IFT122: variants seen among roughly 807,000 people sequenced by gnomAD.
IFT122 encodes intraflagellar transport protein 122 homolog.
IFT122 carries 118 observed loss-of-function variants against 161.6 expected under a neutral mutation model. The observed-to-expected ratio is 0.73, with a 90% CI of 0.63 to 0.85. The LOEUF is 0.85. IFT122 is among the 40% of genes least tolerant of loss of function. The pLI, the probability that IFT122 is intolerant of heterozygous loss-of-function variation, is 0.00. For synonymous variants in IFT122, 550 were observed against 602.4 expected (o/e 0.91, Z 1.27); for missense variants, 1,381 against 1,579.6 (o/e 0.87, Z 2.13).
intron 20 of IFT122, 191 bp from the exon 21 acceptor site, chr3:129,504,128 A>C (rs2081938727): frequency 3.4e-6 from 2 of 593,256 alleles, no homozygotes; most frequent in Non-Finnish European, 6.1e-6. Context: ...ATTGCTGTTA[A>C]TTGCCTTTTG....
chr3:129,514,316 C>T, intron 24 of IFT122, 73 bp from the exon 25 acceptor site: 1 of 1,531,614 alleles, frequency 6.5e-7, no homozygotes, highest in Non-Finnish European at 9.0e-7. Context: ...GCCTGGGGCT[C>T]ACTCCAAGGA....
chr3:129,453,301 G>A (rs1178247225), intron 3 of IFT122, among the ~76,000 whole-genome samples: 1 of 151,808 alleles, frequency 6.6e-6, no homozygotes, highest in East Asian at 1.9e-4. Context: ...TTTTTCTTCA[G>A]TGAAATAGGA....
At position 129,520,263 on chromosome 3, in the gene IFT122, T is replaced by C. The variant is rs1415867200; in HGVS notation, c.3724T>C (p.Ter1242ArgextTer46). 1 of 1,607,806 alleles carries C rather than the reference T, an allele frequency of 6.2e-7. No homozygotes were observed. Among genetic ancestry groups the C allele is most frequent in the African/African-American group, 1.3e-5 (1 of 74,916 alleles). Reference protein sequence around the residue: ...CRRCKDDPGP* With the variant: ...CRRCKDDPGPR ...CAGGTGCAAGGATGACCCTGGCCCA[T>C]GACCAGCATCCTGGGGACGGCCTGC... The change falls in exon 30 of 30, where the codon TGA (stop) becomes CGA (arginine). Residue 1242 changes from the stop codon to arginine (R), a stop_lost. Transcript: ENST00000348417.
intron 9 of IFT122, among the ~76,000 whole-genome samples, chr3:129,475,414 G>A (rs1403792148): frequency 6.6e-6 from 1 of 152,232 alleles, no homozygotes; most frequent in Non-Finnish European, 1.5e-5. Context: ...CACTTTGGGA[G>A]GCCAAGGTGG....
chr3:129,440,503 G>C (rs2072848087), intron 1 of IFT122, 132 bp downstream of exon 1: 1 of 1,115,546 alleles, frequency 9.0e-7, no homozygotes, highest in Admixed American at 2.0e-5. Context: ...CGGCCTGGGA[G>C]ACTGCAGGGT....
At chr3:129,502,573 A>C (rs920976232) in intron 19 of IFT122, 138 bp from the exon 20 acceptor site, 7 of 974,462 alleles carry the variant, frequency 7.2e-6, no homozygotes, top group Non-Finnish European at 1.1e-5. Flanking sequence ...GTATTCATGC[A>C]TTTAATAACT....
In IFT122 at chr3:129,506,467, CA is replaced by C; in HGVS notation, c.2711del (p.Asn904MetfsTer25). 6.2e-7 allele frequency: 1 copy of C among 1,614,238 alleles called. No individual in the cohort carries two copies. The highest frequency in any genetic ancestry group is 8.5e-7 in the Non-Finnish European group (1 of 1,180,038). Reference protein sequence around the residue: ...AVQVLEQLTNNAVAESRFNDA... With the variant: ...AVQVLEQLTNXAVAESRFNDA... ...TCCAGGTGCTGGAGCAGCTCACAAA[CA>C]ATGCCGTGGCGGAGAGCAGGTTTAA... is the stretch of plus-strand genomic sequence containing the variant. On this transcript the variant is annotated frameshift_variant, in exon 22 of 30. Transcript: ENST00000348417. LOFTEE classifies it high-confidence loss of function.
intron 15 of IFT122, 29 bp from the exon 16 acceptor site, chr3:129,488,228 T>C (rs765355315): frequency 5.0e-6 from 8 of 1,613,038 alleles, no homozygotes; most frequent in Non-Finnish European, 6.8e-6. Flanking sequence ...AAAACAGTCT[T>C]CTTTTTTTCC....
At chr3:129,452,158 C>T (rs760917623) in intron 3 of IFT122, 160 bp downstream of exon 3, 96 of 645,586 alleles carry the variant, frequency 1.5e-4, no homozygotes, top group Non-Finnish European at 2.0e-4. Context: ...TTCAATCTAG[C>T]AAGTATTTAT....
intron 15 of IFT122, 23 bp from the exon 16 acceptor site, chr3:129,488,234 T>C: frequency 6.2e-7 from 1 of 1,614,076 alleles, no homozygotes; most frequent in Admixed American, 1.7e-5. Flanking sequence ...GTCTTCTTTT[T>C]TTCCCTTGAT....
At chr3:129,455,093 T>G (rs528277385) in intron 3 of IFT122, among the ~76,000 whole-genome samples, 1 of 152,280 alleles carries the variant, frequency 6.6e-6, no homozygotes, top group South Asian at 2.1e-4. Flanking sequence ...CTCTTAGACC[T>G]GAAGATTGAG....
At position 129,486,984 on chromosome 3, in the gene IFT122, A is replaced by G. The variant is rs192453575; in HGVS notation, c.1852-1273A>G. Among the ~76,000 whole-genome samples, 7 of 152,356 alleles carry G rather than the reference A, an allele frequency of 4.6e-5. No homozygotes were observed. The East Asian group carries it at 1.3e-3, about 29-fold the overall frequency. On this transcript the variant is annotated intron_variant, in intron 15 of 29. Transcript: ENST00000348417. ...AAAAGATAAGCACTTGGAAGCAGCC[A>G]TGTTTTGCTCTGAGAGTAGACAGAC... is the stretch of plus-strand genomic sequence containing the variant.
At chr3:129,506,377 G>T (rs762472886) in intron 21 of IFT122, 32 bp from the exon 22 acceptor site, 2 of 1,610,808 alleles carry the variant, frequency 1.2e-6, no homozygotes, top group South Asian at 2.2e-5. Flanking sequence ...TAAATAGCAT[G>T]TGCTTTTTTC....
intron 8 of IFT122, 72 bp downstream of exon 8, chr3:129,467,138 TG>T: frequency 6.8e-7 from 1 of 1,465,306 alleles, no homozygotes; most frequent in Non-Finnish European, 9.4e-7. Context: ...CCAGGACAGA[TG>T]TTAAACTCTT....
intron 18 of IFT122, among the ~76,000 whole-genome samples, chr3:129,497,389 G>A (rs1195402756): frequency 6.6e-6 from 1 of 152,176 alleles, no homozygotes; most frequent in East Asian, 1.9e-4. Context: ...CTTCTCAGAT[G>A]GTAATAGCGA....
chr3:129,456,865 G>A (rs946758158), intron 3 of IFT122, among the ~76,000 whole-genome samples: 6 of 152,198 alleles, frequency 3.9e-5, no homozygotes, highest in South Asian at 4.1e-4. Flanking sequence ...GCGGTGAGCC[G>A]AGATCGTGCC....
At position 129,500,085 on chromosome 3, in the gene IFT122, G is replaced by T. The variant is rs865791910; in HGVS notation, c.2375+17G>T. Reference sequence around the variant, plus strand: ...GGTTGACATGTAGGTTTTGGTCCCTGCCCCGAGAAGCATTTGGCAGCATGT... The same window carrying T: ...GGTTGACATGTAGGTTTTGGTCCCTTCCCCGAGAAGCATTTGGCAGCATGT... On this transcript the variant is annotated intron_variant, in intron 19 of 29. Transcript: ENST00000348417. 1 of 1,614,050 alleles carries T rather than the reference G, an allele frequency of 6.2e-7. No homozygotes were observed.
chr3:129,476,543 T>C (rs371765365), intron 10 of IFT122, 37 bp downstream of exon 10: 2 of 1,613,712 alleles, frequency 1.2e-6, no homozygotes, highest in East Asian at 4.5e-5. Context: ...GGCCATGGCT[T>C]GAAGAGGCAC....
intron 16 of IFT122, among the ~76,000 whole-genome samples, chr3:129,490,936 T>A (rs753777774): frequency 2.6e-5 from 4 of 152,212 alleles, no homozygotes; most frequent in Non-Finnish European, 5.9e-5. Context: ...CCACCCCTGC[T>A]CATGCTCAGA....
Sources: gnomAD v4.1 joint callset for allele counts (sites outside exome capture counted in the v4.1 genomes callset) on GRCh38, gnomAD v4.1.1 for gene constraint, MANE v1.5 for transcripts, NCBI Gene and HGNC (gene_info 2026-07-23, HGNC 2026-07-21) for gene names.